Variants in ENOX2 observed in about 807,000 individuals in gnomAD.
The protein encoded by ENOX2 is ecto-NOX disulfide-thiol exchanger 2.
Under a neutral mutation model 45.0 loss-of-function variants are expected in ENOX2, and 36 were observed. The observed-to-expected ratio is 0.80, with a 90% CI of 0.61 to 1.06. The LOEUF (loss-of-function observed/expected upper bound fraction) is 1.06, where lower values mean the gene tolerates loss of function less well. Among genes scored for constraint, ENOX2 ranks in the 50% least tolerant of loss-of-function variants. ENOX2 has a pLI of 0.00. For synonymous variants in ENOX2, 174 were observed against 152.3 expected (o/e 1.14, Z -1.05); for missense variants, 423 against 462.5 (o/e 0.91, Z 0.78).
At chrX:130,900,702 T>C (rs1326034513) in intron 2 of ENOX2, among the ~76,000 whole-genome samples, 2 of 111,970 alleles carry the variant, frequency 1.8e-5, no homozygotes, top group Non-Finnish European at 3.8e-5. Context: ...TCAAGACCTA[T>C]CTCATGTCAC....
At chrX:130,664,056 C>A (rs1043356108) in intron 9 of ENOX2, among the ~76,000 whole-genome samples, 2 of 111,854 alleles carry the variant, frequency 1.8e-5, no homozygotes, top group African/African-American at 3.3e-5. Flanking sequence ...TCCCCTAATT[C>A]TTTAAAAAAC....
At chrX:130,649,332 A>G (rs1278425809) in intron 10 of ENOX2, among the ~76,000 whole-genome samples, 1 of 110,479 alleles carries the variant, frequency 9.1e-6, no homozygotes, top group African/African-American at 3.3e-5. Flanking sequence ...AAAAAAAAAA[A>G]TCCACATTAG....
intron 8 of ENOX2, among the ~76,000 whole-genome samples, chrX:130,666,770 A>G (rs1347728468): frequency 5.4e-5 from 6 of 112,123 alleles, no homozygotes; most frequent in African/African-American, 1.6e-4. Flanking sequence ...AGTCAAGTAC[A>G]GGGAAGTCAA....
chrX:130,741,114 T>A (rs1019149134), intron 3 of ENOX2, among the ~76,000 whole-genome samples: 13 of 111,914 alleles, frequency 1.2e-4, no homozygotes, highest in African/African-American at 3.9e-4. Flanking sequence ...TAAAAAAAAA[T>A]TTGATCCAAC....
At chrX:130,828,618 C>T (rs1234312943) in intron 2 of ENOX2, among the ~76,000 whole-genome samples, 1 of 111,807 alleles carries the variant, frequency 8.9e-6, no homozygotes, top group Non-Finnish European at 1.9e-5. Flanking sequence ...GGGGCTCTCC[C>T]CCATATTTCC....
chrX:130,834,648 A>C (rs1054446665), intron 2 of ENOX2, among the ~76,000 whole-genome samples: 7 of 110,521 alleles, frequency 6.3e-5, no homozygotes, highest in Non-Finnish European at 1.3e-4. Context: ...TCATATATAC[A>C]TTGTTGCTTC....
intron 3 of ENOX2, among the ~76,000 whole-genome samples, chrX:130,722,880 A>T (rs1187943387): frequency 8.9e-6 from 1 of 112,569 alleles, no homozygotes; most frequent in Non-Finnish European, 1.9e-5. Context: ...GGTATGTAGT[A>T]GGTACTCAAT....
intron 4 of ENOX2, among the ~76,000 whole-genome samples, chrX:130,700,454 G>A (rs2037870387): frequency 1.8e-5 from 2 of 112,009 alleles, no homozygotes; most frequent in Non-Finnish European, 3.8e-5. Flanking sequence ...AAAACAAGAT[G>A]TGGAGAAGGG....
intron 6 of ENOX2, 48 bp downstream of exon 6, chrX:130,679,492 AAT>A: frequency 9.8e-7 from 1 of 1,015,958 alleles, no homozygotes; most frequent in Non-Finnish European, 1.4e-6. Context: ...TTCTATCTTT[AAT>A]ATCTGCGTTG....
At chrX:130,899,788 T>C (rs957084281) in intron 2 of ENOX2, among the ~76,000 whole-genome samples, 4 of 112,126 alleles carry the variant, frequency 3.6e-5, no homozygotes, top group Non-Finnish European at 7.5e-5. Context: ...GTGGTAACTA[T>C]AGCTTCCATT....
At chrX:130,716,023 G>A (rs192477759) in intron 3 of ENOX2, among the ~76,000 whole-genome samples, 2 of 111,333 alleles carry the variant, frequency 1.8e-5, no homozygotes, top group East Asian at 5.6e-4. Context: ...AGGAAAGAGG[G>A]GAGTGTTACA....
intron 10 of ENOX2, among the ~76,000 whole-genome samples, chrX:130,641,741 AG>A (rs1288597342): frequency 1.9e-5 from 2 of 106,383 alleles, no homozygotes; most frequent in African/African-American, 6.9e-5. Context: ...AAAAAAAAAA[AG>A]AGAGAATTAT....
chrX:130,709,317 G>A, intron 3 of ENOX2: 1 of 1,171,096 alleles, frequency 8.5e-7, no homozygotes, highest in Non-Finnish European at 1.2e-6. Context: ...TGTGAACTTA[G>A]CTCTGTCATC....
rs182223062 is a variant in ENOX2 at position 130,842,934 on chromosome X, G to A, written c.-183+58750C>T. Among the ~76,000 whole-genome samples the A allele has an allele frequency of 5.7e-3, 638 of 111,262 alleles. 1 individual carries two copies. The highest frequency in any genetic ancestry group is 9.3e-3 in the Non-Finnish European group (494 of 53,067). On this transcript the variant is annotated intron_variant, in intron 2 of 14. Transcript: ENST00000394363. ...TCCTAAAATTGTATGCAGAATAGCA[G>A]AATAGTGTACGTAAATTTTATGGGG...
At chrX:130,901,783 T>C (rs1325663831) in intron 1 of ENOX2, 52 bp from the exon 2 acceptor site, 1 of 112,486 alleles carries the variant, frequency 8.9e-6, no homozygotes, top group African/African-American at 3.2e-5. Context: ...TCAATTTTAT[T>C]TGATACAGAA....
At chrX:130,796,264 AAG>A (rs1034694757) in intron 2 of ENOX2, among the ~76,000 whole-genome samples, 3 of 111,537 alleles carry the variant, frequency 2.7e-5, no homozygotes, top group Non-Finnish European at 3.8e-5. Context: ...AGTTGAGGAG[AAG>A]AGAGGAGTCT....
chrX:130,695,490 C>T (rs1328460576), intron 4 of ENOX2, among the ~76,000 whole-genome samples: 1 of 110,998 alleles, frequency 9.0e-6, no homozygotes, highest in Non-Finnish European at 1.9e-5. Flanking sequence ...TTATCCCCAT[C>T]CAAGCTCCCC....
rs895207199 is a variant in ENOX2 at position 130,894,580 on chromosome X, TA to T, written c.-183+7103del. On this transcript the variant is annotated intron_variant, in intron 2 of 14. Coordinates refer to ENST00000394363, the MANE Select transcript of ENOX2 (RefSeq NM_006375.4). ...TGAAAGTATTTCAAAATAAAAATAA[TA>T]AAAAAAAAGAAAGTGGACTTCATCT... Among the ~76,000 whole-genome samples the T allele has an allele frequency of 6.7e-4, 72 of 106,885 alleles. 2 individuals are homozygous for T. The South Asian group carries it at 0.026, about 38-fold the overall frequency. The allele number at this position is 106,885 out of a possible 115,157, so 92.8% of individuals were successfully genotyped here.
intron 2 of ENOX2, among the ~76,000 whole-genome samples, chrX:130,839,832 TCATACAATAAA>T (rs2077985015): frequency 7.1e-5 from 8 of 112,062 alleles, no homozygotes; most frequent in Non-Finnish European, 1.5e-4. Context: ...GGATCAGCAA[TCATACAATAAA>T]TATGTTTAAA....
Sources: gnomAD v4.1 joint callset for allele counts (sites outside exome capture counted in the v4.1 genomes callset) on GRCh38, gnomAD v4.1.1 for gene constraint, MANE v1.5 for transcripts, NCBI Gene and HGNC (gene_info 2026-07-23, HGNC 2026-07-21) for gene names.